The following SF3B1 variants were observed in gnomAD, a reference collection of about 807,000 sequenced individuals.
SF3B1 encodes splicing factor 3b subunit 1.
A neutral mutation model predicts 153.8 loss-of-function variants in SF3B1; 12 were observed. The observed-to-expected ratio is 0.08, with a 90% CI of 0.05 to 0.13. The LOEUF is 0.13. SF3B1 is among the 10% of genes least tolerant of loss of function. SF3B1 has a pLI of 1.00. For missense variants in SF3B1, 513 were observed against 1,606.1 expected, an observed-to-expected ratio of 0.32 and a Z score of 11.63; for synonymous variants, 498 against 525.2, an observed-to-expected ratio of 0.95 and a Z score of 0.71.
chr2:197,418,952 C>T, intron 4 of SF3B1: 1 of 1,597,224 alleles, frequency 6.3e-7, no homozygotes, highest in Non-Finnish European at 8.5e-7. Flanking sequence ...GAATAGAAGC[C>T]TAGAAAATTA....
chr2:197,416,920 AAC>A lies in SF3B1; in HGVS notation c.496-11_496-10del, dbSNP rs771100179. 1.9e-5 allele frequency: 31 copies of A among 1,610,240 alleles called. No individual in the cohort carries two copies. In the African/African-American group the frequency reaches 3.2e-4, roughly 17 times the overall value. On this transcript the variant is annotated splice_polypyrimidine_tract_variant and intron_variant, in intron 5 of 24. Transcript: ENST00000335508. The stretch of plus-strand genomic sequence containing the variant: ...TGTTGCCTAATTTCTCGCTGAAAAA[AAC>A]AGTGAGTATTTACCTTTAAAATGCT...
At chr2:197,397,292 CATA>C (rs1449549552) in intron 22 of SF3B1, among the ~76,000 whole-genome samples, 3 of 152,020 alleles carry the variant, frequency 2.0e-5, no homozygotes, top group Admixed American at 6.6e-5. Context: ...TCAAACAATC[CATA>C]ATAAGATTTT....
chr2:197,396,746 A>G (rs3769525), intron 22 of SF3B1, among the ~76,000 whole-genome samples: 25,290 of 152,210 alleles, frequency 0.17, 2,256 homozygotes, highest in Middle Eastern at 0.28. Context: ...CTCCCATTAT[A>G]AACCATATAA....
chr2:197,425,846 T>C (rs1171960424), intron 1 of SF3B1, among the ~76,000 whole-genome samples: 1 of 151,666 alleles, frequency 6.6e-6, no homozygotes, highest in African/African-American at 2.4e-5. Flanking sequence ...CAAAAAATAC[T>C]AAAATTAGCC....
At position 197,423,978 on chromosome 2, in the gene SF3B1, TA is replaced by T; in HGVS notation, c.29-5del. 3.7e-6 allele frequency: 6 copies of T among 1,602,562 alleles called. No individual in the cohort carries two copies. The highest frequency in any genetic ancestry group is 5.1e-6 in the Non-Finnish European group (6 of 1,177,236). On this transcript the variant is annotated splice_polypyrimidine_tract_variant and splice_region_variant and intron_variant, in intron 1 of 24. Coordinates refer to ENST00000335508, the MANE Select transcript of SF3B1 (RefSeq NM_012433.4). ...TCTCGAATCTGTGCTTCAATATCTA[TA>T]AAAAGATAACACAGACTTTCTTAAT...
rs146219957 is a variant in SF3B1, at chr2:197,407,573, T to C, written c.1239+425A>G. Among the ~76,000 whole-genome samples, 1,124 of 150,142 alleles carry C rather than the reference T, an allele frequency of 7.5e-3. 20 individuals carry two copies. Among genetic ancestry groups the C allele is most frequent in the South Asian group, 0.031 (145 of 4,750 alleles). On this transcript the variant is annotated intron_variant, in intron 9 of 24. Coordinates refer to ENST00000335508, the MANE Select transcript of SF3B1 (RefSeq NM_012433.4). ...TGAGCCGAAATCACGCCACTGCACT[T>C]CAGCCTGGGCAACAGAGTGAGACTC... is the stretch of plus-strand genomic sequence containing the variant.
At position 197,398,392 on chromosome 2, in the gene SF3B1, A is replaced by G. The variant is rs567083180; in HGVS notation, c.3134+69T>C. 1.0e-4 allele frequency: 155 copies of G among 1,534,728 alleles called. No individual in the cohort carries two copies. In the East Asian group the frequency reaches 3.5e-3, roughly 34 times the overall value. The stretch of plus-strand genomic sequence containing the variant: ...TTAGTGACATTAAGGAAATTTTGCT[A>G]ATTGAATACAAAGTGGCCAAATTTG... On this transcript the variant is annotated intron_variant, in intron 21 of 24. Coordinates refer to ENST00000335508, the MANE Select transcript of SF3B1 (RefSeq NM_012433.4).
chr2:197,407,319 A>C (rs1490994507), intron 9 of SF3B1, among the ~76,000 whole-genome samples: 1 of 152,112 alleles, frequency 6.6e-6, no homozygotes. Context: ...TGATATGATA[A>C]AAAGGCCAGG....
intron 6 of SF3B1, chr2:197,416,445 G>C (rs2085149845): frequency 3.9e-6 from 1 of 253,170 alleles, no homozygotes; most frequent in East Asian, 7.2e-5. Flanking sequence ...GGGGTCATGA[G>C]GGTGGGGCCC....
intron 7 of SF3B1, 47 bp downstream of exon 7, chr2:197,409,723 A>G (rs571995309): frequency 7.2e-6 from 10 of 1,398,058 alleles, no homozygotes; most frequent in African/African-American, 4.2e-5. Flanking sequence ...GTCTGTAAAC[A>G]TATCACTCAA....
rs977748547 is a variant in SF3B1 at position 197,392,102 on chromosome 2, T to C, written c.*201A>G. 2.4e-5 allele frequency: 9 copies of C among 381,278 alleles called. No individual in the cohort carries two copies. Among genetic ancestry groups the C allele is most frequent in the Non-Finnish European group, 4.2e-5 (9 of 213,532 alleles). 23.6% of individuals were successfully genotyped at this position (381,278 alleles called of 1,614,324 possible). ...TCCAGTATAGTGTATATAATCACTG[T>C]GTTCTTGGTCACTACTGGCATTTAC... On this transcript the variant is annotated 3_prime_UTR_variant, in exon 25 of 25. Coordinates refer to ENST00000335508, the MANE Select transcript of SF3B1 (RefSeq NM_012433.4).
chr2:197,395,165 T>C (rs1313530375), intron 23 of SF3B1, among the ~76,000 whole-genome samples: 1 of 152,218 alleles, frequency 6.6e-6, no homozygotes, highest in Non-Finnish European at 1.5e-5. Context: ...GCAGGTGACA[T>C]ACATTAATGA....
intron 6 of SF3B1, among the ~76,000 whole-genome samples, chr2:197,412,451 G>A (rs2105999437): frequency 6.6e-6 from 1 of 151,600 alleles, no homozygotes; most frequent in South Asian, 2.1e-4. Context: ...TGTCTCCCGG[G>A]TTCAAGCGAT....
At chr2:197,414,961 G>A (rs1296071072) in intron 6 of SF3B1, among the ~76,000 whole-genome samples, 3 of 151,804 alleles carry the variant, frequency 2.0e-5, no homozygotes, top group East Asian at 1.9e-4. Context: ...CTATTATTGC[G>A]CCCCTGCACT....
chr2:197,423,134 C>T (rs752673614), intron 2 of SF3B1, among the ~76,000 whole-genome samples: 6 of 152,192 alleles, frequency 3.9e-5, no homozygotes, highest in East Asian at 1.9e-4. Flanking sequence ...AGCCTGTAAT[C>T]GCAGCACTTT....
At chr2:197,414,383 A>G (rs2085117132) in intron 6 of SF3B1, among the ~76,000 whole-genome samples, 2 of 152,198 alleles carry the variant, frequency 1.3e-5, no homozygotes, top group Non-Finnish European at 2.9e-5. Context: ...AAAAGAATCC[A>G]AAAGACTCAG....
intron 1 of SF3B1, among the ~76,000 whole-genome samples, chr2:197,431,135 CAG>C (rs1234952675): frequency 5.8e-4 from 56 of 97,210 alleles, no homozygotes; most frequent in African/African-American, 2.0e-3. Flanking sequence ...TTTTTTGAGA[CAG>C]AGTTTCACTC....
chr2:197,418,499 G>A lies in SF3B1; in HGVS notation c.495+10C>T. 6.3e-7 allele frequency: 1 copy of A among 1,591,888 alleles called. No homozygotes were observed. The highest frequency in any genetic ancestry group is 8.6e-7 in the Non-Finnish European group (1 of 1,161,682). On this transcript the variant is annotated intron_variant, in intron 5 of 24. Transcript: ENST00000335508. ...TCACAACCATTAAAACAGGAGACAGGTTTACATACTTCTTCTTTAGTCAAG... is the reference window on the plus strand; with the variant it reads ...TCACAACCATTAAAACAGGAGACAGATTTACATACTTCTTCTTTAGTCAAG...
rs769888451 is a variant in SF3B1 at position 197,402,757 on chromosome 2, T to C, written c.1876A>G (p.Asn626Asp). ...ACAGCAAAAGCTCTAGCTGTTGTGT[T>C]ACGGACATACTCATCCATGTTATCT... ...DIDNMDEYVR[N>D]TTARAFAVVA... The change falls in exon 14 of 25, where the codon AAC (asparagine) becomes GAC (aspartate). Residue 626 changes from asparagine (N) to aspartate (D), a missense_variant. Asn to Asp is a conservative substitution (Grantham distance 23, BLOSUM62 1). Coordinates refer to ENST00000335508, the MANE Select transcript of SF3B1 (RefSeq NM_012433.4). This position sits in a 1 kb window ranked among gnomAD's most constrained non-coding sequence, Gnocchi z 4.6. 5.0e-6 allele frequency: 8 copies of C among 1,613,994 alleles called. No homozygotes were observed. Among genetic ancestry groups the C allele is most frequent in the Admixed American group, 1.7e-5 (1 of 60,000 alleles).
Sources: allele counts gnomAD v4.1 joint callset (sites outside exome capture counted in the v4.1 genomes callset), GRCh38; gene constraint gnomAD v4.1.1; non-coding constraint Gnocchi (gnomAD v3.1); transcripts MANE v1.5; gene names NCBI Gene and HGNC (gene_info 2026-07-23, HGNC 2026-07-21).